DFFB: variants seen among roughly 807,000 people sequenced by gnomAD.
DFFB encodes DNA fragmentation factor subunit beta.
A neutral mutation model predicts 32.7 loss-of-function variants in DFFB; 29 were observed. The ratio of observed to expected loss-of-function variants is 0.89; its 90% CI spans 0.66 to 1.21. The LOEUF (loss-of-function observed/expected upper bound fraction) is 1.21, where lower values mean the gene tolerates loss of function less well. Ranked by LOEUF, DFFB falls within the 50% of genes most tolerant of loss-of-function variation. The pLI is 0.00. For missense variants in DFFB, 398 were observed against 440.6 expected (o/e 0.90, Z 0.87); for synonymous variants, 170 against 177.1 (o/e 0.96, Z 0.32).
chr1:3,865,881 A>G lies in DFFB; in HGVS notation c.311A>G (p.Gln104Arg). Residue 104 changes from glutamine (Q) to arginine (R), a missense_variant, in exon 3 of 7, where the codon CAG (glutamine) becomes CGG (arginine). Coordinates refer to ENST00000378209, the MANE Select transcript of DFFB (RefSeq NM_004402.4). The surrounding 1 kb of genome is among the most constrained non-coding windows in gnomAD (Gnocchi z 4.7). ...CAGGTGGGGCTCATCCAGGCCGCCC[A>G]GCAGCTGCTGTGTGATGAGCAGGCC... ...EPQVGLIQAA[Q>R]QLLCDEQAPQ... 6.2e-7 allele frequency: 1 copy of G among 1,614,026 alleles called. No homozygotes were observed. Among genetic ancestry groups the G allele is most frequent in the Non-Finnish European group, 8.5e-7 (1 of 1,179,958 alleles).
At chr1:3,871,605 A>C (rs115683625) in intron 5 of DFFB, among the ~76,000 whole-genome samples, 1 of 152,134 alleles carries the variant, frequency 6.6e-6, no homozygotes, top group African/African-American at 2.4e-5. Flanking sequence ...AGAACTCTGA[A>C]TCTCCCTAAA....
At chr1:3,859,824 G>T (rs968622582) in intron 2 of DFFB, among the ~76,000 whole-genome samples, 5 of 152,334 alleles carry the variant, frequency 3.3e-5, no homozygotes, top group Middle Eastern at 3.4e-3. Flanking sequence ...CTGGGCAGGG[G>T]TATGCTCAGG....
intron 5 of DFFB, among the ~76,000 whole-genome samples, chr1:3,872,149 C>T (rs1191081652): frequency 1.3e-5 from 2 of 152,158 alleles, no homozygotes; most frequent in Non-Finnish European, 2.9e-5. Context: ...CGCGGTGGCT[C>T]AACGCCTGTA....
intron 6 of DFFB, among the ~76,000 whole-genome samples, chr1:3,879,061 CTG>C: frequency 6.6e-6 from 1 of 152,246 alleles, no homozygotes; most frequent in African/African-American, 2.4e-5. Flanking sequence ...CTTCTGGAAT[CTG>C]TGAGAAATCT....
intron 6 of DFFB, chr1:3,872,888 G>A (rs866864121): frequency 8.1e-6 from 10 of 1,228,772 alleles, no homozygotes; most frequent in Middle Eastern, 2.2e-4. Context: ...CCAGAACACA[G>A]GTCCCAGCCC....
At chr1:3,879,395 T>C (rs1376489328) in intron 6 of DFFB, among the ~76,000 whole-genome samples, 2 of 152,178 alleles carry the variant, frequency 1.3e-5, no homozygotes, top group Non-Finnish European at 2.9e-5. Flanking sequence ...CTCCATCATG[T>C]TCCCCAAGAT....
At chr1:3,880,849 G>A (rs996959497) in intron 6 of DFFB, among the ~76,000 whole-genome samples, 5 of 152,296 alleles carry the variant, frequency 3.3e-5, no homozygotes, top group East Asian at 1.9e-4. Flanking sequence ...TCGTGGGTTC[G>A]GATTTGATTC....
chr1:3,866,313 A>C, intron 3 of DFFB: 1 of 441,998 alleles, frequency 2.3e-6, no homozygotes, highest in Non-Finnish European at 4.4e-6. Context: ...ATCTTGGCTC[A>C]CCGCAACCTC....
At chr1:3,873,995 C>G (rs1310447546) in intron 6 of DFFB, among the ~76,000 whole-genome samples, 1 of 151,032 alleles carries the variant, frequency 6.6e-6, no homozygotes, top group Non-Finnish European at 1.5e-5. Context: ...GCCTCTACAC[C>G]TTGCCCCGAG....
In DFFB at chr1:3,885,009, C is replaced by G. The variant is rs1433476898; in HGVS notation, c.*1268C>G. The G allele has an allele frequency of 6.6e-6, 1 of 152,226 alleles. No homozygotes were observed. Among genetic ancestry groups the G allele is most frequent in the Non-Finnish European group, 1.5e-5 (1 of 68,036 alleles). The allele number at this position is 152,226 out of a possible 1,614,324, so 9.4% of individuals were successfully genotyped here. A position where few individuals can be genotyped will look rare whatever the true frequency, so the allele number is the denominator to read the frequency against. ...ATTTATTTCATGATTCAACCTGATACATTTACATAGTGCAAAACTGTGTCA... is the reference window on the plus strand; with the variant it reads ...ATTTATTTCATGATTCAACCTGATAGATTTACATAGTGCAAAACTGTGTCA... On this transcript the variant is annotated 3_prime_UTR_variant, in exon 7 of 7. Transcript: ENST00000378209.
chr1:3,869,486 G>T, intron 4 of DFFB, 119 bp from the exon 5 acceptor site: 1 of 1,081,694 alleles, frequency 9.2e-7, no homozygotes, highest in South Asian at 1.6e-5. Flanking sequence ...CAGACCCTCT[G>T]ACCACAGGAC....
Position 3,867,856 on chromosome 1 carries a change from G to C in DFFB, c.431-118G>C, listed in dbSNP as rs140968878. On this transcript the variant is annotated intron_variant, in intron 3 of 6. Coordinates refer to ENST00000378209, the MANE Select transcript of DFFB (RefSeq NM_004402.4). ...GGACAGAGCAAGACCCTGTCAAAAA[G>C]ATGAAGCAGTATGACCCTCATATTC... 5,054 of 860,800 alleles carry C rather than the reference G, an allele frequency of 5.9e-3. 13 individuals are homozygous for C. Among genetic ancestry groups the C allele is most frequent in the Non-Finnish European group, 8.1e-3 (4,154 of 512,338 alleles). 53.3% of individuals were successfully genotyped at this position (860,800 alleles called of 1,614,324 possible). A position where few individuals can be genotyped will look rare whatever the true frequency, so the allele number is the denominator to read the frequency against.
At chr1:3,875,971 G>T (rs1369257622) in intron 6 of DFFB, among the ~76,000 whole-genome samples, 2 of 151,996 alleles carry the variant, frequency 1.3e-5, no homozygotes, top group East Asian at 1.9e-4. Flanking sequence ...TAGAGATGGG[G>T]TTTTGCCATG....
At chr1:3,868,228 C>G (rs546436567) in intron 4 of DFFB, among the ~76,000 whole-genome samples, 175 bp downstream of exon 4, 5 of 152,276 alleles carry the variant, frequency 3.3e-5, no homozygotes, top group African/African-American at 9.6e-5. Flanking sequence ...TGTGCCTCCT[C>G]CCTTCATGGG....
In DFFB at chr1:3,861,745, C is replaced by T. The variant is rs375579209; in HGVS notation, c.241+2901C>T. Among the ~76,000 whole-genome samples, 64 of 152,262 alleles carry T rather than the reference C, an allele frequency of 4.2e-4. 1 individual carries two copies. The highest frequency in any genetic ancestry group is 1.4e-3 in the African/African-American group (58 of 41,544). On this transcript the variant is annotated intron_variant, in intron 2 of 6. Coordinates refer to ENST00000378209, the MANE Select transcript of DFFB (RefSeq NM_004402.4). ...ACCTGGCCATCTTGACAGGTTTTTG[C>T]GAGATGTAGGTTTTCATGCCTCTGG...
chr1:3,867,837 AG>A, intron 3 of DFFB, 136 bp from the exon 4 acceptor site: 2 of 776,090 alleles, frequency 2.6e-6, no homozygotes, highest in Admixed American at 3.8e-5. Flanking sequence ...TGGAGGACAG[AG>A]CAAGACCCTG....
chr1:3,879,571 A>G (rs6675754), intron 6 of DFFB, among the ~76,000 whole-genome samples: 33,017 of 152,058 alleles, frequency 0.22, 3,887 homozygotes, highest in African/African-American at 0.32. Context: ...GGGACACAGC[A>G]AGAAGGCAGC....
intron 2 of DFFB, among the ~76,000 whole-genome samples, chr1:3,862,551 C>G (rs960981790): frequency 2.0e-5 from 3 of 152,170 alleles, no homozygotes; most frequent in Non-Finnish European, 4.4e-5. Context: ...ACCCAGAAAT[C>G]TATGTATCTG....
intron 6 of DFFB, 110 bp downstream of exon 6, chr1:3,872,682 C>CAACACCGTGGCA: frequency 1.0e-6 from 1 of 955,192 alleles, no homozygotes; most frequent in Non-Finnish European, 1.6e-6. Context: ...GTCCCTGCCA[C>CAACACCGTGGCA]GGTGTTGCCT....
Sources: allele counts gnomAD v4.1 joint callset (sites outside exome capture counted in the v4.1 genomes callset), GRCh38; gene constraint gnomAD v4.1.1; non-coding constraint Gnocchi (gnomAD v3.1); transcripts MANE v1.5; gene names NCBI Gene and HGNC (gene_info 2026-07-23, HGNC 2026-07-21).